Variants in FER observed in about 807,000 individuals in gnomAD.
The protein encoded by FER is FER tyrosine kinase, also known as tyrosine-protein kinase Fer.
Under a neutral mutation model 111.0 loss-of-function variants are expected in FER, and 63 were observed. That is an observed-to-expected ratio of 0.57 (90% CI 0.46 to 0.70). The LOEUF is 0.70. FER is among the 30% of genes least tolerant of loss of function. FER has a pLI of 0.00. For missense variants in FER, 914 were observed against 954.0 expected (o/e 0.96, Z 0.55); for synonymous variants, 327 against 313.9 (o/e 1.04, Z -0.44).
intron 9 of FER, among the ~76,000 whole-genome samples, chr5:108,893,968 G>GTTTT (rs561122699): frequency 7.3e-6 from 1 of 137,564 alleles, no homozygotes; most frequent in African/African-American, 2.7e-5. Context: ...AAGGAAAGAG[G>GTTTT]TTTTTTTTTT....
At chr5:109,000,360 A>G (rs1379303473) in intron 13 of FER, among the ~76,000 whole-genome samples, 2 of 152,060 alleles carry the variant, frequency 1.3e-5, no homozygotes, top group African/African-American at 4.8e-5. Context: ...GTAAAAAAAA[A>G]TGAGTAAAGA....
At chr5:109,013,649 C>T (rs373148502) in intron 13 of FER, among the ~76,000 whole-genome samples, 1,758 of 151,620 alleles carry the variant, frequency 0.012, 28 homozygotes, top group Admixed American at 0.04. Flanking sequence ...CCTGAGGAAT[C>T]GCCACACTGA....
At chr5:108,859,001 G>T (rs1326255120) in intron 5 of FER, among the ~76,000 whole-genome samples, 1 of 151,968 alleles carries the variant, frequency 6.6e-6, no homozygotes, top group Non-Finnish European at 1.5e-5. Context: ...CCAAAAGTGT[G>T]ATATAAATTC....
chr5:108,999,269 T>C (rs1764401843), intron 13 of FER, among the ~76,000 whole-genome samples: 2 of 152,322 alleles, frequency 1.3e-5, no homozygotes, highest in Middle Eastern at 3.4e-3. Flanking sequence ...TGTTACGTTT[T>C]AAATTTTTTA....
chr5:109,180,938 A>G (rs1758228827), intron 18 of FER, 37 bp downstream of exon 18: 3 of 1,537,856 alleles, frequency 2.0e-6, no homozygotes, highest in Non-Finnish European at 2.6e-6. Context: ...AATGGTAAAA[A>G]TGAACGGCAT....
chr5:109,147,585 G>A (rs1002970134), intron 17 of FER, among the ~76,000 whole-genome samples: 3 of 151,888 alleles, frequency 2.0e-5, no homozygotes, highest in African/African-American at 7.2e-5. Context: ...ATGCCCATTT[G>A]TAGAATACAA....
chr5:108,987,859 C>T (rs766584658), intron 13 of FER, among the ~76,000 whole-genome samples: 30 of 152,104 alleles, frequency 2.0e-4, no homozygotes, highest in Non-Finnish European at 3.7e-4. Context: ...AATGGGCGTC[C>T]TTGTCTCATT....
At chr5:108,790,998 T>A (rs1755302383) in intron 2 of FER, among the ~76,000 whole-genome samples, 1 of 152,264 alleles carries the variant, frequency 6.6e-6, no homozygotes, top group African/African-American at 2.4e-5. Context: ...ATTGCCAAAT[T>A]ATATTCCATT....
At chr5:109,186,061 G>A (rs1342345761) in intron 18 of FER, 139 bp from the exon 19 acceptor site, 1 of 1,207,434 alleles carries the variant, frequency 8.3e-7, no homozygotes, top group Non-Finnish European at 1.2e-6. Flanking sequence ...ATTATACTGG[G>A]ACCACTGTCA....
At chr5:109,102,634 A>G (rs1425390349) in intron 17 of FER, among the ~76,000 whole-genome samples, 1 of 152,102 alleles carries the variant, frequency 6.6e-6, no homozygotes. Context: ...CAACAATATA[A>G]TGTTTTTCTT....
chr5:108,947,073 C>T (rs1757085416), intron 11 of FER, among the ~76,000 whole-genome samples: 1 of 152,032 alleles, frequency 6.6e-6, no homozygotes, highest in Non-Finnish European at 1.5e-5. Flanking sequence ...ATATTTACCA[C>T]ATATTGTCTA....
chr5:108,835,603 C>T (rs566370511), intron 4 of FER, 105 bp from the exon 5 acceptor site: 37 of 639,824 alleles, frequency 5.8e-5, no homozygotes, highest in Middle Eastern at 3.4e-4. Context: ...CAACTCTGAC[C>T]TGTAAGTAGT....
intron 13 of FER, among the ~76,000 whole-genome samples, chr5:109,013,592 C>A (rs1465812033): frequency 6.7e-6 from 1 of 150,224 alleles, no homozygotes; most frequent in East Asian, 2.0e-4. Context: ...TGGGTATATA[C>A]CCAGTAATGG....
chr5:108,794,535 C>CT (rs1458294201), intron 2 of FER, among the ~76,000 whole-genome samples: 7 of 139,126 alleles, frequency 5.0e-5, no homozygotes, highest in Non-Finnish European at 4.7e-5. Flanking sequence ...CACCCCCCCC[C>CT]CTCCCCGCAC....
At chr5:108,777,695 A>G (rs1026036203) in intron 2 of FER, among the ~76,000 whole-genome samples, 3 of 152,180 alleles carry the variant, frequency 2.0e-5, no homozygotes, top group African/African-American at 4.8e-5. Flanking sequence ...TTTACAAAAG[A>G]AAGAGGTTTA....
intron 17 of FER, among the ~76,000 whole-genome samples, chr5:109,123,480 G>A (rs1356128070): frequency 6.6e-6 from 1 of 151,230 alleles, no homozygotes; most frequent in African/African-American, 2.4e-5. Context: ...TTTTTTTTTA[G>A]TGAAGGTGAC....
intron 11 of FER, among the ~76,000 whole-genome samples, chr5:108,950,534 A>G (rs1757579744): frequency 6.6e-6 from 1 of 152,192 alleles, no homozygotes; most frequent in South Asian, 2.1e-4. Context: ...TTAGTGCCAA[A>G]GACAGAACCA....
chr5:108,778,081 C>T (rs186416588), intron 2 of FER, among the ~76,000 whole-genome samples: 1 of 152,178 alleles, frequency 6.6e-6, no homozygotes, highest in Admixed American at 6.5e-5. Context: ...AGACTTCTTT[C>T]ATTTAGTAAG....
intron 10 of FER, among the ~76,000 whole-genome samples, chr5:108,922,220 A>G (rs1753118709): frequency 6.6e-6 from 1 of 152,206 alleles, no homozygotes; most frequent in Non-Finnish European, 1.5e-5. Context: ...TGGCCTCCAG[A>G]ACTGTAGGAG....
Sources: allele counts gnomAD v4.1 joint callset (sites outside exome capture counted in the v4.1 genomes callset), GRCh38; gene constraint gnomAD v4.1.1; transcripts MANE v1.5; gene names NCBI Gene and HGNC (gene_info 2026-07-23, HGNC 2026-07-21).